Variants in RAB27A observed in about 807,000 individuals in gnomAD.
RAB27A encodes the protein RAB27A, member RAS oncogene family.
In RAB27A, 17 loss-of-function variants were observed where a neutral mutation model predicts 20.8. That is an observed-to-expected ratio of 0.82 (90% CI 0.56 to 1.23). The LOEUF is 1.23. Ranked by LOEUF, RAB27A falls within the 50% of genes most tolerant of loss-of-function variation. The pLI, the probability that RAB27A is intolerant of heterozygous loss-of-function variation, is 0.00. For missense variants in RAB27A, 277 were observed against 266.7 expected (o/e 1.04, Z -0.27); for synonymous variants, 85 against 92.8 (o/e 0.92, Z 0.48).
At chr15:55,230,563 C>CCTTT (rs1895992675) in intron 3 of RAB27A, 77 bp from the exon 4 acceptor site, 5 of 1,206,892 alleles carry the variant, frequency 4.1e-6, no homozygotes, top group Non-Finnish European at 6.1e-6. Context: ...TTGTTCAGTA[C>CCTTT]AAATCCCAAA....
intron 2 of RAB27A, among the ~76,000 whole-genome samples, chr15:55,268,150 T>C (rs553370974): frequency 4.9e-5 from 6 of 123,634 alleles, no homozygotes; most frequent in African/African-American, 1.9e-4. Context: ...CCAAAACATC[T>C]TTTTTTTTTT....
chr15:55,217,575 G>A (rs2140939025), intron 6 of RAB27A, among the ~76,000 whole-genome samples: 1 of 138,002 alleles, frequency 7.2e-6, no homozygotes, highest in South Asian at 2.3e-4. Context: ...TGAGGCAGGA[G>A]AATCGCTTGA....
chr15:55,294,589 GAAAAAA>G (rs1181179911), upstream of RAB27A, among the ~76,000 whole-genome samples: 4 of 29,182 alleles, frequency 1.4e-4, no homozygotes, highest in South Asian at 1.7e-3. Context: ...CCCTGTCTCC[GAAAAAA>G]AAAAAAAAAA....
At chr15:55,248,392 G>A (rs749063452) in intron 2 of RAB27A, among the ~76,000 whole-genome samples, 1 of 152,134 alleles carries the variant, frequency 6.6e-6, no homozygotes, top group Non-Finnish European at 1.5e-5. Context: ...AAAGTGACAT[G>A]AAACTAACAA....
intron 6 of RAB27A, among the ~76,000 whole-genome samples, chr15:55,210,354 C>T (rs891202033): frequency 1.0e-4 from 15 of 148,716 alleles, no homozygotes; most frequent in Non-Finnish European, 1.9e-4. Flanking sequence ...CAACAATGTA[C>T]GGGTTCACCT....
At chr15:55,311,385 G>A (rs1320594151) in intron 2 of RAB27A, among the ~76,000 whole-genome samples, 2 of 152,148 alleles carry the variant, frequency 1.3e-5, no homozygotes, top group African/African-American at 2.4e-5. Flanking sequence ...CCCACTGCTT[G>A]GAGTGGGCAT....
In RAB27A at chr15:55,311,251, T is replaced by G. The variant is rs139920444; in HGVS notation, c.-112+2788A>C. 4.4e-4 allele frequency among the ~76,000 whole-genome samples: 67 copies of G among 152,346 alleles called. 1 individual carries two copies. The East Asian group carries it at 0.012, about 27-fold the overall frequency. ...TCCATGTCAGATCAAAGGACTGTCC[T>G]AACCCTTGTAAAACCTCAACATAGC... On this transcript the variant is annotated intron_variant, in intron 2 of 5. Coordinates refer to the RAB27A transcript ENST00000563262.
upstream of RAB27A, among the ~76,000 whole-genome samples, chr15:55,291,891 G>A (rs1898321397): frequency 1.3e-5 from 2 of 152,178 alleles, no homozygotes; most frequent in African/African-American, 2.4e-5. Flanking sequence ...TGAGATAAGA[G>A]CCTCAATAAA....
chr15:55,242,089 C>T (rs1159491780), intron 2 of RAB27A, among the ~76,000 whole-genome samples: 2 of 151,914 alleles, frequency 1.3e-5, no homozygotes, highest in African/African-American at 4.8e-5. Flanking sequence ...CCTTAGGATC[C>T]CCCACTATTA....
intron 1 of RAB27A, chr15:55,317,749 A>T (rs1305929208): frequency 1.0e-5 from 4 of 398,486 alleles, no homozygotes; most frequent in Non-Finnish European, 1.8e-5. Flanking sequence ...AATTCCAAGG[A>T]CAGTGGCAAA....
intron 6 of RAB27A, among the ~76,000 whole-genome samples, chr15:55,215,771 C>A (rs1895264547): frequency 6.6e-6 from 1 of 151,084 alleles, no homozygotes; most frequent in Non-Finnish European, 1.5e-5. Context: ...AGACCAGAAA[C>A]CCCGTCTCTA....
Position 55,256,298 on chromosome 15 carries a change from C to T in RAB27A, c.-23+13867G>A, listed in dbSNP as rs138478615. Among the ~76,000 whole-genome samples, 146 of 152,220 alleles carry T rather than the reference C, an allele frequency of 9.6e-4. 2 individuals are homozygous for T. Among genetic ancestry groups the T allele is most frequent in the African/African-American group, 3.1e-3 (129 of 41,522 alleles). On this transcript the variant is annotated intron_variant, in intron 2 of 6. Transcript: ENST00000336787. ...GTGAGGTGGCCTGTGCCAGTAGTCCCGGCTACTCAGAAGGCTGAGGTGGGA... is the reference window on the plus strand; with the variant it reads ...GTGAGGTGGCCTGTGCCAGTAGTCCTGGCTACTCAGAAGGCTGAGGTGGGA...
intron 6 of RAB27A, among the ~76,000 whole-genome samples, chr15:55,206,637 C>T (rs570842738): frequency 2.0e-5 from 3 of 152,244 alleles, no homozygotes; most frequent in Admixed American, 6.5e-5. Context: ...CTGCTGCACC[C>T]AGCCTAGTTT....
At chr15:55,211,171 A>G (rs1197537143) in intron 6 of RAB27A, among the ~76,000 whole-genome samples, 1 of 152,120 alleles carries the variant, frequency 6.6e-6, no homozygotes, top group Non-Finnish European at 1.5e-5. Flanking sequence ...GCTTTGTAGT[A>G]AACTTTGAAG....
At chr15:55,208,752 C>T (rs1030564466) in intron 6 of RAB27A, among the ~76,000 whole-genome samples, 1 of 152,244 alleles carries the variant, frequency 6.6e-6, no homozygotes, top group Non-Finnish European at 1.5e-5. Flanking sequence ...TGGTACACCA[C>T]CATCACTGGC....
chr15:55,309,009 T>C (rs937858868), intron 2 of RAB27A, among the ~76,000 whole-genome samples: 6 of 152,222 alleles, frequency 3.9e-5, no homozygotes, highest in African/African-American at 1.2e-4. Context: ...GGTTTTTTTA[T>C]GACATATAAA....
chr15:55,210,623 T>G (rs966373598), intron 6 of RAB27A, among the ~76,000 whole-genome samples: 4 of 152,138 alleles, frequency 2.6e-5, no homozygotes, highest in Non-Finnish European at 4.4e-5. Context: ...GATTATTTGT[T>G]TTTGCTATTG....
intron 6 of RAB27A, among the ~76,000 whole-genome samples, chr15:55,214,331 G>A (rs1313725950): frequency 2.0e-5 from 3 of 152,174 alleles, no homozygotes; most frequent in African/African-American, 7.2e-5. Context: ...AGCTACTCGG[G>A]AGGCTGAGGC....
At chr15:55,268,443 G>A (rs1210958655) in intron 2 of RAB27A, among the ~76,000 whole-genome samples, 1 of 152,200 alleles carries the variant, frequency 6.6e-6, no homozygotes, top group African/African-American at 2.4e-5. Flanking sequence ...TGAATATGAA[G>A]TCCTTCCACT....
Sources: gnomAD v4.1 joint callset for allele counts (sites outside exome capture counted in the v4.1 genomes callset) on GRCh38, gnomAD v4.1.1 for gene constraint, MANE v1.5 for transcripts, NCBI Gene and HGNC (gene_info 2026-07-23, HGNC 2026-07-21) for gene names.